Variants in BRINP2 observed in about 807,000 individuals in gnomAD.
BRINP2 encodes the protein BMP/retinoic acid inducible neural specific 2.
A neutral mutation model predicts 69.2 loss-of-function variants in BRINP2; 21 were observed. That is an observed-to-expected ratio of 0.30 (90% CI 0.22 to 0.44). The LOEUF (loss-of-function observed/expected upper bound fraction) is 0.44, where lower values mean the gene tolerates loss of function less well. BRINP2 is among the 20% of genes least tolerant of loss of function. The probability of loss-of-function intolerance (pLI) is 1.00; values close to 1 mark genes in which losing one functional copy is unlikely to be tolerated. For missense variants in BRINP2, 877 were observed against 986.0 expected (o/e 0.89, Z 1.48); for synonymous variants, 380 against 394.1 (o/e 0.96, Z 0.42).
In BRINP2 at chr1:177,278,435, A is replaced by G. The variant is rs184613139; in HGVS notation, c.1013-128A>G. 132 of 791,034 alleles carry G rather than the reference A, an allele frequency of 1.7e-4. No homozygotes were observed. The East Asian group carries it at 3.1e-3, about 18-fold the overall frequency. 49.0% of individuals were successfully genotyped at this position (791,034 alleles called of 1,614,324 possible). A position where few individuals can be genotyped will look rare whatever the true frequency, so the allele number is the denominator to read the frequency against. On this transcript the variant is annotated intron_variant, in intron 6 of 7. Transcript: ENST00000361539. Reference sequence around the variant, plus strand: ...ATTTTTTTAAAAAAGCACCCAGGGAAATGGGTGTGCAGCCTCCTTTCTCAT... The same window carrying G: ...ATTTTTTTAAAAAAGCACCCAGGGAGATGGGTGTGCAGCCTCCTTTCTCAT...
rs950664060 is a variant in BRINP2 at position 177,266,785 on chromosome 1, GA to G, written c.670-6693del. ...AAAAAAAAAAAAAAAAAAAAAGAAAGAAAAAAAAAAGTTACTCTTTTGTGAA... is the reference window on the plus strand; with the variant it reads ...AAAAAAAAAAAAAAAAAAAAAGAAAGAAAAAAAAAGTTACTCTTTTGTGAA... On this transcript the variant is annotated intron_variant, in intron 4 of 7. Coordinates refer to ENST00000361539, the MANE Select transcript of BRINP2 (RefSeq NM_021165.4). 6.4e-4 allele frequency among the ~76,000 whole-genome samples: 87 copies of G among 136,766 alleles called. No homozygotes were observed. The Middle Eastern group carries it at 0.012, about 18-fold the overall frequency. 89.7% of individuals were successfully genotyped at this position (136,766 alleles called of 152,430 possible). A position where few individuals can be genotyped will look rare whatever the true frequency, so the allele number is the denominator to read the frequency against.
intron 1 of BRINP2, among the ~76,000 whole-genome samples, chr1:177,220,372 T>C (rs916199817): frequency 6.6e-6 from 1 of 152,146 alleles, no homozygotes; most frequent in Non-Finnish European, 1.5e-5. Flanking sequence ...GTCATTCCTT[T>C]GGTGATAAGT....
At chr1:177,174,393 T>C (rs559228464) in intron 1 of BRINP2, among the ~76,000 whole-genome samples, 4 of 152,366 alleles carry the variant, frequency 2.6e-5, no homozygotes, top group Non-Finnish European at 4.4e-5. Context: ...AAAAGTCTCA[T>C]AGGCCTTTGC....
At chr1:177,244,689 C>T (rs1250408859) in intron 2 of BRINP2, among the ~76,000 whole-genome samples, 2 of 151,962 alleles carry the variant, frequency 1.3e-5, no homozygotes, top group Admixed American at 6.6e-5. Flanking sequence ...GCAGGTTCGC[C>T]GGGTTAGCTT....
At chr1:177,216,991 T>A (rs1265785934) in intron 1 of BRINP2, among the ~76,000 whole-genome samples, 1 of 152,064 alleles carries the variant, frequency 6.6e-6, no homozygotes, top group Non-Finnish European at 1.5e-5. Flanking sequence ...TCTTTTTTGG[T>A]TAGAGTTTTA....
chr1:177,278,549 G>A lies in BRINP2; in HGVS notation c.1013-14G>A. ...AGCTACCCGTCAGCTCAGGTCCTGT[G>A]TTCTTGTCCACAGAAGAGTTCCAGG... On this transcript the variant is annotated splice_polypyrimidine_tract_variant and intron_variant, in intron 6 of 7. Transcript: ENST00000361539. The A allele has an allele frequency of 6.2e-7, 1 of 1,613,766 alleles. No homozygotes were observed. The highest frequency in any genetic ancestry group is 8.5e-7 in the Non-Finnish European group (1 of 1,179,700).
chr1:177,200,427 C>G (rs1031725297), intron 1 of BRINP2, among the ~76,000 whole-genome samples: 5 of 150,628 alleles, frequency 3.3e-5, no homozygotes, highest in African/African-American at 1.2e-4. Context: ...CAAGTCCTTA[C>G]AGAGTCTTGC....
intron 1 of BRINP2, among the ~76,000 whole-genome samples, chr1:177,203,338 T>C (rs1233850560): frequency 2.7e-5 from 4 of 150,534 alleles, no homozygotes; most frequent in Non-Finnish European, 4.4e-5. Flanking sequence ...TGGGGTGGGG[T>C]TAGTGGGGAG....
At chr1:177,184,067 G>A (rs368870034) in intron 1 of BRINP2, among the ~76,000 whole-genome samples, 6 of 152,228 alleles carry the variant, frequency 3.9e-5, no homozygotes, top group Middle Eastern at 3.4e-3. Context: ...CTTATAGGCC[G>A]ATGGTATGCA....
At chr1:177,245,269 A>G (rs1310837960) in intron 2 of BRINP2, among the ~76,000 whole-genome samples, 7 of 152,136 alleles carry the variant, frequency 4.6e-5, no homozygotes, top group African/African-American at 1.7e-4. Flanking sequence ...CTTTAAAAAG[A>G]AAGAACGTTG....
Position 177,266,737 on chromosome 1 carries a change from G to C in BRINP2, c.670-6751G>C, listed in dbSNP as rs191446504. On this transcript the variant is annotated intron_variant, in intron 4 of 7. Transcript: ENST00000361539. ...ATCACGCCACTGCACTCCAGCCTGG[G>C]GAACAGTGGGAGACTCACTCTAAAA... Among the ~76,000 whole-genome samples the C allele has an allele frequency of 1.7e-4, 25 of 147,010 alleles. No individual in the cohort carries two copies. The East Asian group carries it at 4.7e-3, about 28-fold the overall frequency.
At chr1:177,212,141 ATT>A (rs1052617889) in intron 1 of BRINP2, among the ~76,000 whole-genome samples, 2 of 152,098 alleles carry the variant, frequency 1.3e-5, no homozygotes, top group Non-Finnish European at 2.9e-5. Flanking sequence ...ATAGATTAGT[ATT>A]TTACTCACTG....
chr1:177,188,578 A>G lies in BRINP2; in HGVS notation c.-77+16846A>G, dbSNP rs1043952599. 2.0e-5 allele frequency among the ~76,000 whole-genome samples: 3 copies of G among 152,306 alleles called. No homozygotes were observed. In the East Asian group the frequency reaches 5.8e-4, roughly 29 times the overall value. ...GAAGAAGAAGTTGGGAGGATGAGCC[A>G]TGTGGATAACTGGAGAATTTCCATG... On this transcript the variant is annotated intron_variant, in intron 1 of 7. Transcript: ENST00000361539.
chr1:177,203,789 G>A (rs1441309131), intron 1 of BRINP2, among the ~76,000 whole-genome samples: 1 of 152,066 alleles, frequency 6.6e-6, no homozygotes, highest in East Asian at 1.9e-4. Context: ...TGACTAGCAG[G>A]GGAAACAGAG....
chr1:177,229,755 G>T, intron 1 of BRINP2, 46 bp from the exon 2 acceptor site: 2 of 1,351,026 alleles, frequency 1.5e-6, no homozygotes, highest in Non-Finnish European at 2.0e-6. Context: ...ACAGGCCCAT[G>T]GGGTAACAGG....
chr1:177,231,224 G>A (rs1380093847), intron 2 of BRINP2, among the ~76,000 whole-genome samples: 1 of 152,180 alleles, frequency 6.6e-6, no homozygotes, highest in African/African-American at 2.4e-5. Context: ...CCATTTTACA[G>A]ATGGGGAAAT....
At chr1:177,212,423 T>C (rs1410396865) in intron 1 of BRINP2, among the ~76,000 whole-genome samples, 1 of 151,986 alleles carries the variant, frequency 6.6e-6, no homozygotes, top group East Asian at 1.9e-4. Context: ...CGGGCACCTG[T>C]AGTCCCAGCT....
intron 1 of BRINP2, among the ~76,000 whole-genome samples, chr1:177,214,876 T>A (rs1649331505): frequency 1.3e-5 from 2 of 152,236 alleles, no homozygotes; most frequent in Non-Finnish European, 2.9e-5. Context: ...AATTAACCTG[T>A]CCATAACCTC....
At chr1:177,202,168 A>AT (rs1358139367) in intron 1 of BRINP2, among the ~76,000 whole-genome samples, 3 of 151,930 alleles carry the variant, frequency 2.0e-5, no homozygotes, top group East Asian at 1.9e-4. Flanking sequence ...GGATTCATTG[A>AT]TTTTTTGAAG....
Sources: allele counts gnomAD v4.1 joint callset (sites outside exome capture counted in the v4.1 genomes callset), GRCh38; gene constraint gnomAD v4.1.1; transcripts MANE v1.5; gene names NCBI Gene and HGNC (gene_info 2026-07-23, HGNC 2026-07-21).